Variants in DMD observed in about 807,000 individuals in gnomAD.
DMD encodes dystrophin, also known as mutant dystrophin.
In DMD, 63 loss-of-function variants were observed where a neutral mutation model predicts 330.1. The observed-to-expected ratio is 0.19, with a 90% CI of 0.16 to 0.24. The LOEUF is 0.24. DMD is among the 10% of genes least tolerant of loss of function. The probability of loss-of-function intolerance (pLI) is 1.00; values close to 1 mark genes in which losing one functional copy is unlikely to be tolerated. For synonymous variants in DMD, 1,223 were observed against 959.8 expected (o/e 1.27, Z -5.07); for missense variants, 3,344 against 2,684.1 (o/e 1.25, Z -5.43).
rs193256481 is a variant in DMD, at chrX:31,190,771, T to C, written c.9808-7867A>G. On this transcript the variant is annotated intron_variant, in intron 67 of 78. Coordinates refer to ENST00000357033, the MANE Select transcript of DMD (RefSeq NM_004006.3). ...CCAAGGTTGAGAAACCCTGCCCCAA[T>C]GTTAACATCTTACATAACCATATGG... Among the ~76,000 whole-genome samples, 379 of 110,326 alleles carry C rather than the reference T, an allele frequency of 3.4e-3. 2 individuals carry two copies. The highest frequency in any genetic ancestry group is 0.012 in the African/African-American group (358 of 30,352).
chrX:31,541,223 A>G (rs2147627742), intron 55 of DMD, among the ~76,000 whole-genome samples: 1 of 112,012 alleles, frequency 8.9e-6, no homozygotes, highest in South Asian at 3.8e-4. Flanking sequence ...AAATTTAAAA[A>G]TTGACTCTTG....
chrX:32,389,460 A>T lies in DMD; in HGVS notation c.4518+41T>A, dbSNP rs1294165499. 2.5e-6 allele frequency: 3 copies of T among 1,183,001 alleles called. No individual in the cohort carries two copies. The Admixed American group carries it at 6.5e-5, about 26-fold the overall frequency. Reference sequence around the variant, plus strand: ...AGAGCAGTTACTTCTTAATGAGGAAAGTCAAGGGGTACCTGCGTATTTGCC... The same window carrying T: ...AGAGCAGTTACTTCTTAATGAGGAATGTCAAGGGGTACCTGCGTATTTGCC... On this transcript the variant is annotated intron_variant, in intron 32 of 78. Coordinates refer to ENST00000357033, the MANE Select transcript of DMD (RefSeq NM_004006.3).
intron 60 of DMD, among the ~76,000 whole-genome samples, chrX:31,377,084 G>A (rs1447120448): frequency 8.9e-6 from 1 of 111,973 alleles, no homozygotes; most frequent in African/African-American, 3.2e-5. Flanking sequence ...AATACTTAAA[G>A]TCTGGCACTA....
intron 2 of DMD, among the ~76,000 whole-genome samples, chrX:33,009,092 ACG>A (rs2093490883): frequency 2.6e-5 from 1 of 38,492 alleles, no homozygotes; most frequent in South Asian, 1.3e-3. Context: ...GTGTATATAT[ACG>A]TATATATGTA....
chrX:32,471,012 C>T (rs1025617736), intron 22 of DMD, among the ~76,000 whole-genome samples: 1 of 111,727 alleles, frequency 9.0e-6, no homozygotes, highest in Non-Finnish European at 1.9e-5. Flanking sequence ...CGCAGTGGCT[C>T]ACACCTGTAA....
At chrX:32,740,234 T>G (rs1256427060) in intron 7 of DMD, among the ~76,000 whole-genome samples, 1 of 110,508 alleles carries the variant, frequency 9.0e-6, no homozygotes, top group East Asian at 2.9e-4. Context: ...TACCAATCTA[T>G]AGTGACATGA....
In DMD at chrX:31,995,384, C is replaced by T. The variant is rs150931017; in HGVS notation, c.6439-26870G>A. ...TTGTAGGATTATGGCTGATTTTATTCGTCTTCCGTGCAACTTCCTATATTT... is the reference window on the plus strand; with the variant it reads ...TTGTAGGATTATGGCTGATTTTATTTGTCTTCCGTGCAACTTCCTATATTT... On this transcript the variant is annotated intron_variant, in intron 44 of 78. Transcript: ENST00000357033. 7.1e-3 allele frequency among the ~76,000 whole-genome samples: 790 copies of T among 111,543 alleles called. 11 individuals carry two copies. The highest frequency in any genetic ancestry group is 0.029 in the East Asian group (102 of 3,513).
intron 25 of DMD, among the ~76,000 whole-genome samples, chrX:32,456,608 GTGTGTGTGTA>G (rs762466764): frequency 5.9e-4 from 59 of 99,443 alleles, no homozygotes; most frequent in Admixed American, 4.8e-3. Flanking sequence ...GTGTGTGTGT[GTGTGTGTGTA>G]TGTGTGTGTG....
At chrX:31,526,174 A>G (rs748104797) in intron 55 of DMD, among the ~76,000 whole-genome samples, 1 of 112,524 alleles carries the variant, frequency 8.9e-6, no homozygotes, top group Non-Finnish European at 1.9e-5. Flanking sequence ...GGAAGGAAAA[A>G]GTGTTTCCAT....
intron 18 of DMD, among the ~76,000 whole-genome samples, chrX:32,507,297 A>G (rs1295748570): frequency 4.5e-5 from 5 of 111,785 alleles, no homozygotes; most frequent in Non-Finnish European, 9.4e-5. Flanking sequence ...ATCTTCTCCT[A>G]TCAGAGGGGT....
intron 67 of DMD, among the ~76,000 whole-genome samples, chrX:31,197,513 T>C (rs2043020131): frequency 2.7e-5 from 3 of 112,335 alleles, no homozygotes; most frequent in Non-Finnish European, 5.6e-5. Context: ...TCTACATTAT[T>C]ACAACAACTG....
chrX:31,545,887 A>G (rs970400235), intron 55 of DMD, among the ~76,000 whole-genome samples: 21 of 112,155 alleles, frequency 1.9e-4, no homozygotes, highest in Non-Finnish European at 3.0e-4. Flanking sequence ...TCTAATAACA[A>G]CCCTATGAGG....
chrX:31,725,737 T>G (rs1162201657), intron 52 of DMD, among the ~76,000 whole-genome samples: 1 of 111,912 alleles, frequency 8.9e-6, no homozygotes, highest in Non-Finnish European at 1.9e-5. Flanking sequence ...GAAATGGTAG[T>G]GGTGGGGGTT....
chrX:31,759,982 C>A (rs755128719), intron 51 of DMD, among the ~76,000 whole-genome samples: 50 of 112,161 alleles, frequency 4.5e-4, no homozygotes, highest in Admixed American at 3.4e-3. Context: ...TCAAGATGCT[C>A]TACACAAATG....
rs1048380178 is a variant in DMD at position 31,268,082 on chromosome X, G to A, written c.9225-7066C>T. Among the ~76,000 whole-genome samples the A allele has an allele frequency of 4.5e-5, 5 of 111,793 alleles. No individual in the cohort carries two copies. The East Asian group carries it at 1.4e-3, about 31-fold the overall frequency. On this transcript the variant is annotated intron_variant, in intron 62 of 78. Transcript: ENST00000357033. ...TAAAATTTATTTCTTAAGGGATGGG[G>A]GTCTCACTGTGTTGCCCAGGCTGGT...
intron 2 of DMD, among the ~76,000 whole-genome samples, chrX:32,866,191 G>C (rs1438320852): frequency 6.2e-5 from 7 of 112,144 alleles, no homozygotes; most frequent in African/African-American, 2.3e-4. Flanking sequence ...CTAGCAGACA[G>C]CCAGACATTT....
chrX:33,091,450 A>G (rs965071794), intron 1 of DMD, among the ~76,000 whole-genome samples: 5 of 111,849 alleles, frequency 4.5e-5, no homozygotes, highest in African/African-American at 6.5e-5. Context: ...TTCACTGTGT[A>G]TTTTTCTGAG....
Position 31,507,265 on chromosome X carries a change from C to T in DMD, c.8390+16G>A, listed in dbSNP as rs780429458. The stretch of plus-strand genomic sequence containing the variant: ...TTAATTCATTTGTGGCCTTTTTGCT[C>T]CACATCTTTTCCTACCTAATGTTGA... On this transcript the variant is annotated intron_variant, in intron 56 of 78. Coordinates refer to ENST00000357033, the MANE Select transcript of DMD (RefSeq NM_004006.3). 6 of 1,210,899 alleles carry T rather than the reference C, an allele frequency of 5.0e-6. No homozygotes were observed. The highest frequency in any genetic ancestry group is 6.7e-6 in the Non-Finnish European group (6 of 894,821).
rs1429683382 is a variant in DMD at position 33,190,957 on chromosome X, A to ATAT, written c.31+20322_31+20324dup. Among the ~76,000 whole-genome samples the ATAT allele has an allele frequency of 2.7e-3, 4 of 1,456 alleles. 1 individual carries two copies. The highest frequency in any genetic ancestry group is 3.8e-3 in the Non-Finnish European group (3 of 785). The allele number at this position is 1,456 out of a possible 115,157, so 1.3% of individuals were successfully genotyped here. A position where few individuals can be genotyped will look rare whatever the true frequency, so the allele number is the denominator to read the frequency against. On this transcript the variant is annotated intron_variant, in intron 1 of 78. Coordinates refer to ENST00000357033, the MANE Select transcript of DMD (RefSeq NM_004006.3). ...ATATATATATAATATATAATATTAT[A>ATAT]TATATATATAATATATAATATTATA...
Sources: gnomAD v4.1 joint callset for allele counts (sites outside exome capture counted in the v4.1 genomes callset) on GRCh38, gnomAD v4.1.1 for gene constraint, MANE v1.5 for transcripts, NCBI Gene and HGNC (gene_info 2026-07-23, HGNC 2026-07-21) for gene names.